Variants in PRKG1 observed in about 807,000 individuals in gnomAD.
PRKG1 encodes the protein protein kinase cGMP-dependent 1.
In PRKG1, 35 loss-of-function variants were observed where a neutral mutation model predicts 88.1. The observed-to-expected ratio is 0.40, with a 90% CI of 0.30 to 0.53. PRKG1 has a LOEUF of 0.53. Ranked by LOEUF, PRKG1 falls within the 20% of genes least tolerant of loss-of-function variation. The pLI is 0.59. For synonymous variants in PRKG1, 303 were observed against 292.5 expected (o/e 1.04, Z -0.37); for missense variants, 540 against 839.8 (o/e 0.64, Z 4.41).
intron 2 of PRKG1, among the ~76,000 whole-genome samples, chr10:51,154,073 C>G (rs1320520404): frequency 6.6e-6 from 1 of 151,940 alleles, no homozygotes; most frequent in Non-Finnish European, 1.5e-5. Context: ...GATGGTGACA[C>G]ATGAAAACCA....
intron 3 of PRKG1, among the ~76,000 whole-genome samples, chr10:51,700,647 C>CT (rs1334172765): frequency 3.3e-5 from 5 of 152,176 alleles, no homozygotes; most frequent in Non-Finnish European, 7.3e-5. Context: ...GGACAAGCAG[C>CT]TGGAAAGAGG....
intron 3 of PRKG1, among the ~76,000 whole-genome samples, chr10:51,769,202 G>A (rs1838243671): frequency 6.6e-6 from 1 of 152,278 alleles, no homozygotes; most frequent in African/African-American, 2.4e-5. Context: ...ACTCTGAGGG[G>A]TAAGGCCTTG....
At chr10:51,839,913 A>G (rs1840227460) in intron 4 of PRKG1, among the ~76,000 whole-genome samples, 1 of 152,180 alleles carries the variant, frequency 6.6e-6, no homozygotes, top group Non-Finnish European at 1.5e-5. Context: ...AGAGCATGCA[A>G]TATCTAAGTT....
intron 6 of PRKG1, among the ~76,000 whole-genome samples, chr10:52,059,361 G>T (rs1846182042): frequency 6.6e-6 from 1 of 151,894 alleles, no homozygotes; most frequent in South Asian, 2.1e-4. Context: ...AAAAAACTCT[G>T]CATCAGTGTT....
intron 14 of PRKG1, among the ~76,000 whole-genome samples, chr10:52,285,796 A>T (rs1307405802): frequency 3.3e-5 from 5 of 152,108 alleles, no homozygotes; most frequent in Non-Finnish European, 7.4e-5. Flanking sequence ...AGAGCTCAGG[A>T]CCATTACAGA....
intron 2 of PRKG1, among the ~76,000 whole-genome samples, chr10:51,340,631 A>T (rs1208271240): frequency 6.6e-6 from 1 of 152,184 alleles, no homozygotes; most frequent in Non-Finnish European, 1.5e-5. Flanking sequence ...TACTGCATCA[A>T]ATCACTCCTA....
chr10:51,733,160 C>A (rs548061969), intron 3 of PRKG1, among the ~76,000 whole-genome samples: 9 of 152,176 alleles, frequency 5.9e-5, no homozygotes, highest in Non-Finnish European at 1.3e-4. Context: ...GACCTAATTA[C>A]TTCTCAAAGG....
chr10:52,167,398 T>C (rs1419053383), intron 9 of PRKG1, among the ~76,000 whole-genome samples: 3 of 152,178 alleles, frequency 2.0e-5, no homozygotes, highest in Non-Finnish European at 4.4e-5. Context: ...CCTCCAGCAC[T>C]ATGGATTACA....
intron 3 of PRKG1, among the ~76,000 whole-genome samples, chr10:51,615,869 G>C (rs1366723776): frequency 6.6e-6 from 1 of 151,800 alleles, no homozygotes; most frequent in African/African-American, 2.4e-5. Context: ...TCATTTAGTG[G>C]TGTCATATTT....
At chr10:51,431,951 T>C (rs954042486) in intron 2 of PRKG1, among the ~76,000 whole-genome samples, 3 of 152,172 alleles carry the variant, frequency 2.0e-5, no homozygotes, top group Non-Finnish European at 4.4e-5. Flanking sequence ...ATATGTTCTT[T>C]TTCACATTTA....
intron 4 of PRKG1, among the ~76,000 whole-genome samples, chr10:51,846,528 G>A (rs7100647): frequency 0.65 from 99,478 of 151,982 alleles, 32,936 homozygotes; most frequent in African/African-American, 0.75. Flanking sequence ...CTTAACTCCA[G>A]TCCTTCAAAA....
rs184517564 is a variant in PRKG1, at chr10:51,577,886, A to G, written c.592+110050A>G. 2.2e-4 allele frequency among the ~76,000 whole-genome samples: 33 copies of G among 152,216 alleles called. No individual in the cohort carries two copies. In the East Asian group the frequency reaches 5.6e-3, roughly 26 times the overall value. On this transcript the variant is annotated intron_variant, in intron 3 of 17. Coordinates refer to ENST00000373980, the MANE Select transcript of PRKG1 (RefSeq NM_006258.4). ...GTGCTTCCTGGAATATTGTTCATTCAATATATTCAATTGACAGGCAGTTTT... is the reference window on the plus strand; with the variant it reads ...GTGCTTCCTGGAATATTGTTCATTCGATATATTCAATTGACAGGCAGTTTT...
In PRKG1 at chr10:51,522,566, A is replaced by G. The variant is rs542879409; in HGVS notation, c.592+54730A>G. ...TTTAACATTTTCATCATGTTCAAAT[A>G]CTTCCTTCTTAAATGATGTTTTGGG... On this transcript the variant is annotated intron_variant, in intron 3 of 17. Transcript: ENST00000373980. Among the ~76,000 whole-genome samples the G allele has an allele frequency of 2.0e-5, 3 of 152,276 alleles. No homozygotes were observed. In the East Asian group the frequency reaches 5.8e-4, roughly 29 times the overall value.
chr10:51,087,874 C>T (rs1844295194), intron 1 of PRKG1, among the ~76,000 whole-genome samples: 1 of 152,182 alleles, frequency 6.6e-6, no homozygotes. Context: ...AAGCGGTCCT[C>T]CTGCCTCAGC....
intron 3 of PRKG1, among the ~76,000 whole-genome samples, chr10:51,590,454 A>C (rs1838283391): frequency 6.6e-6 from 1 of 152,182 alleles, no homozygotes; most frequent in South Asian, 2.1e-4. Flanking sequence ...AGAGGATATT[A>C]ATGTTCTTTT....
At chr10:51,048,761 A>T (rs962278946) in intron 1 of PRKG1, among the ~76,000 whole-genome samples, 2 of 152,166 alleles carry the variant, frequency 1.3e-5, no homozygotes, top group African/African-American at 4.8e-5. Context: ...GCCAACAGTG[A>T]TGGTTAATTT....
At chr10:51,976,054 A>C (rs545543541) in intron 5 of PRKG1, among the ~76,000 whole-genome samples, 2 of 152,048 alleles carry the variant, frequency 1.3e-5, no homozygotes, top group Non-Finnish European at 2.9e-5. Context: ...GCAAATCAAA[A>C]CTGCAGTAAG....
At chr10:51,628,679 G>A (rs912943810) in intron 3 of PRKG1, among the ~76,000 whole-genome samples, 6 of 152,020 alleles carry the variant, frequency 3.9e-5, no homozygotes, top group African/African-American at 1.2e-4. Context: ...CTGCAAGTTG[G>A]CCGGGCGCGG....
chr10:51,679,794 T>A (rs7906862), intron 3 of PRKG1, among the ~76,000 whole-genome samples: 43,556 of 125,270 alleles, frequency 0.35, 8,017 homozygotes, highest in African/African-American at 0.39. Flanking sequence ...ACATATGTAT[T>A]CATGTGCCAT....
Sources: allele counts gnomAD v4.1 joint callset (sites outside exome capture counted in the v4.1 genomes callset), GRCh38; gene constraint gnomAD v4.1.1; transcripts MANE v1.5; gene names NCBI Gene and HGNC (gene_info 2026-07-23, HGNC 2026-07-21).